The following MAP3K11 variants were observed in gnomAD, a reference collection of about 807,000 sequenced individuals.
The protein encoded by MAP3K11 is mitogen-activated protein kinase kinase kinase 11, also known as SH3 domain-containing proline-rich kinase.
A neutral mutation model predicts 84.9 loss-of-function variants in MAP3K11; 46 were observed. The ratio of observed to expected loss-of-function variants is 0.54; its 90% CI spans 0.43 to 0.69. MAP3K11 has a LOEUF of 0.69. MAP3K11 is among the 30% of genes least tolerant of loss of function. The pLI is 0.00. For synonymous variants in MAP3K11, 527 were observed against 514.7 expected, an observed-to-expected ratio of 1.02 and a Z score of -0.32; for missense variants, 1,053 against 1,198.3, an observed-to-expected ratio of 0.88 and a Z score of 1.79.
At chr11:65,603,384 A>G (rs1854475233) in intron 8 of MAP3K11, among the ~76,000 whole-genome samples, 1 of 152,260 alleles carries the variant, frequency 6.6e-6, no homozygotes, top group African/African-American at 2.4e-5. Context: ...TCTCACAGGG[A>G]GGACACAGCC....
chr11:65,598,672 T>C, intron 9 of MAP3K11, 44 bp from the exon 10 acceptor site: 5 of 1,389,772 alleles, frequency 3.6e-6, no homozygotes, highest in South Asian at 1.5e-5. Flanking sequence ...AACCCCCAAC[T>C]GCTGAGGTCC....
rs887510001 is a variant in MAP3K11, at chr11:65,599,434, C to G, written c.2166G>C (p.Gln722His). 4.6e-6 allele frequency: 7 copies of G among 1,524,260 alleles called. No homozygotes were observed. In the South Asian group the frequency reaches 8.9e-5, roughly 19 times the overall value. The allele number at this position is 1,524,260 out of a possible 1,614,324, so 94.4% of individuals were successfully genotyped here. ...LLLDLGIPVG[Q>H]RSAKSPRREE... is the part of the protein sequence containing the mutation. ...CACGTCGGGGGCTCTTGGCTGACCG[C>G]TGGCCCACAGGGATACCCAGGTCCA... The change falls in exon 9 of 10, where the codon CAG becomes CAC. Residue 722 changes from glutamine to histidine, a missense_variant. Gln to His is a conservative substitution (Grantham distance 24). Transcript: ENST00000309100.
Position 65,599,748 on chromosome 11 carries a change from G to A in MAP3K11, c.1852C>T (p.Leu618=), listed in dbSNP as rs1854435013. 6.3e-7 allele frequency: 1 copy of A among 1,593,128 alleles called. No individual in the cohort carries two copies. Among genetic ancestry groups the A allele is most frequent in the East Asian group, 2.2e-5 (1 of 44,644 alleles). Residue 618 remains leucine (L), a synonymous_variant, in exon 9 of 10, where the codon CTG becomes TTG. Coordinates refer to ENST00000309100, the MANE Select transcript of MAP3K11 (RefSeq NM_002419.4). The part of the protein sequence containing the change: ...ALNGNPPRPS[L]EPEEPKRPVP... ...GGCCTCTTGGGCTCCTCGGGCTCCA[G>A]GCTAGGCCGCGGGGGGTTACCTGCG...
rs1002373767 is a variant in MAP3K11, at chr11:65,599,427, C to T, written c.2173G>A (p.Ala725Thr). ...DLGIPVGQRSAKSPRREEEPR... is the reference protein window; with the variant it reads ...DLGIPVGQRSTKSPRREEEPR... ...TCCTCCTCACGTCGGGGGCTCTTGG[C>T]TGACCGCTGGCCCACAGGGATACCC... is the stretch of plus-strand genomic sequence containing the variant. Residue 725 changes from alanine to threonine, a missense_variant, in exon 9 of 10, where the codon GCC becomes ACC. This residue lies in a region of MAP3K11 where 583 missense variants were observed against 566.6 expected (regional missense o/e 1.03). Transcript: ENST00000309100. 3 of 1,526,756 alleles carry T rather than the reference C, an allele frequency of 2.0e-6. No individual in the cohort carries two copies. Among genetic ancestry groups the T allele is most frequent in the Admixed American group, 2.6e-5 (1 of 38,832 alleles). 94.6% of individuals were successfully genotyped at this position (1,526,756 alleles called of 1,614,324 possible).
At chr11:65,609,120 A>G (rs1854544701) in intron 1 of MAP3K11, 1 of 152,246 alleles carries the variant, frequency 6.6e-6, no homozygotes, top group Non-Finnish European at 1.5e-5. Context: ...AAAACTGGCA[A>G]GGTGGCAGCT....
chr11:65,606,861 C>A, intron 5 of MAP3K11, 57 bp from the exon 6 acceptor site: 3 of 1,174,156 alleles, frequency 2.6e-6, no homozygotes, highest in Non-Finnish European at 3.7e-6. Context: ...AGAGCCAGGA[C>A]CCCAACCTGC....
At chr11:65,601,831 A>AT (rs11378063) in intron 8 of MAP3K11, among the ~76,000 whole-genome samples, 147,037 of 152,022 alleles carry the variant, frequency 0.97, 71,298 homozygotes, top group Middle Eastern at 1. Context: ...CGAGGTTATC[A>AT]TATCACCCCC....
In MAP3K11 at chr11:65,599,316, T is replaced by C. The variant is rs1342838607; in HGVS notation, c.2206+78A>G. On this transcript the variant is annotated intron_variant, in intron 9 of 9. Coordinates refer to ENST00000309100, the MANE Select transcript of MAP3K11 (RefSeq NM_002419.4). ...GTGGTCTCGGCCTTGCCTCCTTGCA[T>C]GTCCCCACCAGCCACTCCTCCCTCC... 6.9e-6 allele frequency: 10 copies of C among 1,444,586 alleles called. No homozygotes were observed. The East Asian group carries it at 1.5e-4, about 21-fold the overall frequency. The allele number at this position is 1,444,586 out of a possible 1,614,324, so 89.5% of individuals were successfully genotyped here. A position where few individuals can be genotyped will look rare whatever the true frequency, so the allele number is the denominator to read the frequency against.
Position 65,613,582 on chromosome 11 carries a change from C to T in MAP3K11, c.175G>A (p.Glu59Lys). The stretch of plus-strand genomic sequence containing the variant: ...CGGTCACCCTTCCTCAGGGCCAGCT[C>T]ATCCTGCCCACTGGGCTCGTAGTCG... ...LFDYEPSGQDELALRKGDRVE... is the reference protein window; with the variant it reads ...LFDYEPSGQDKLALRKGDRVE... Residue 59 changes from glutamate to lysine, a missense_variant, in exon 1 of 10, where the codon GAG becomes AAG. Transcript: ENST00000309100. 6.2e-7 allele frequency: 1 copy of T among 1,613,066 alleles called. No individual in the cohort carries two copies. The highest frequency in any genetic ancestry group is 8.5e-7 in the Non-Finnish European group (1 of 1,179,900).
chr11:65,607,969 A>C lies in MAP3K11; in HGVS notation c.1022T>G (p.Leu341Arg). 1 of 1,614,206 alleles carries C rather than the reference A, an allele frequency of 6.2e-7. No individual in the cohort carries two copies. The highest frequency in any genetic ancestry group is 8.5e-7 in the Non-Finnish European group (1 of 1,180,030). ...AYGVAVNKLT[L>R]PIPSTCPEPF... ...CTCGGGGCAGGTGGATGGGATGGGC[A>C]GTGTGAGCTTGTTAACAGCTACGCC... Residue 341 changes from leucine (L) to arginine (R), a missense_variant, in exon 3 of 10, where the codon CTG becomes CGG. By Grantham distance (102) the Leu-to-Arg change is moderately radical. Transcript: ENST00000309100.
At chr11:65,607,597 G>C in intron 4 of MAP3K11, 44 bp downstream of exon 4, 1 of 1,570,998 alleles carries the variant, frequency 6.4e-7, no homozygotes, top group East Asian at 2.3e-5. Context: ...CAGGGAGATC[G>C]GGGAGACACT....
At chr11:65,602,666 G>C (rs1402123553) in intron 8 of MAP3K11, among the ~76,000 whole-genome samples, 1 of 151,866 alleles carries the variant, frequency 6.6e-6, no homozygotes, top group East Asian at 1.9e-4. Context: ...AAATTAGCTG[G>C]GCATGGTGGC....
In MAP3K11 at chr11:65,606,785, G is replaced by C. The variant is rs1475424729; in HGVS notation, c.1509C>G (p.Thr503=). ...GGTCAAGGCCGGGTGAGGCCTGCAC[G>C]GTGATGCGGTGCTTGAAGTCTGGGA... The part of the protein sequence containing the change: ...SMPLDFKHRI[T]VQASPGLDRR... The change falls in exon 6 of 10, where the codon ACC becomes ACG. Residue 503 remains threonine, a synonymous_variant. Coordinates refer to ENST00000309100, the MANE Select transcript of MAP3K11 (RefSeq NM_002419.4). 6.2e-7 allele frequency: 1 copy of C among 1,605,586 alleles called. No homozygotes were observed. Among genetic ancestry groups the C allele is most frequent in the South Asian group, 1.1e-5 (1 of 89,600 alleles).
At chr11:65,602,576 G>A (rs1854467317) in intron 8 of MAP3K11, among the ~76,000 whole-genome samples, 1 of 152,006 alleles carries the variant, frequency 6.6e-6, no homozygotes, top group Admixed American at 6.6e-5. Flanking sequence ...AACCTGGGAG[G>A]TGGAGGTTGT....
intron 4 of MAP3K11, 59 bp downstream of exon 4, chr11:65,607,582 T>C: frequency 6.4e-7 from 1 of 1,555,688 alleles, no homozygotes; most frequent in Non-Finnish European, 8.7e-7. Flanking sequence ...GCCCCGACTC[T>C]GCCCCAGGGA....
intron 1 of MAP3K11, chr11:65,609,466 C>T (rs916183570): frequency 6.6e-6 from 1 of 152,202 alleles, no homozygotes; most frequent in Non-Finnish European, 1.5e-5. Flanking sequence ...GGGCTCATGG[C>T]TTTAACCCAA....
Position 65,608,416 on chromosome 11 carries a change from T to C in MAP3K11, c.772A>G (p.Met258Val), listed in dbSNP as rs145124492. 4 of 1,614,008 alleles carry C rather than the reference T, an allele frequency of 2.5e-6. No homozygotes were observed. Among genetic ancestry groups the C allele is most frequent in the Admixed American group, 1.7e-5 (1 of 59,998 alleles). ...GTGATCTTCAGGGTCTTGTGCTCCA[T>C]GTCGTCACTCTCAATGGGCTGCAGC... ...LLLQPIESDD[M>V]EHKTLKITDF... The change falls in exon 2 of 10, where the codon ATG becomes GTG. Residue 258 changes from methionine (M) to valine (V), a missense_variant. Met to Val is a conservative substitution (Grantham distance 21). Coordinates refer to ENST00000309100, the MANE Select transcript of MAP3K11 (RefSeq NM_002419.4).
chr11:65,605,958 G>C lies in MAP3K11; in HGVS notation c.1727C>G (p.Ala576Gly), dbSNP rs1854502127. Residue 576 changes from alanine (A) to glycine (G), a missense_variant, in exon 7 of 10, where the codon GCC becomes GGC. By Grantham distance (60) the Ala-to-Gly change is moderately conservative (BLOSUM62 0). Transcript: ENST00000309100. ...CTCAGGTACTCACCTCCCATTCTGG[G>C]CTTCCCCAGGCTTGGGGGAACTGGG... is the stretch of plus-strand genomic sequence containing the variant. Reference protein sequence around the residue: ...WGPSSPKPGEAQNGRRRSRMD... With the variant: ...WGPSSPKPGEGQNGRRRSRMD... 1.2e-6 allele frequency: 2 copies of C among 1,601,620 alleles called. No individual in the cohort carries two copies. The highest frequency in any genetic ancestry group is 8.5e-7 in the Non-Finnish European group (1 of 1,176,266).
rs888986979 is a variant in MAP3K11 at position 65,605,627 on chromosome 11, C to T, written c.1831+134G>A. The T allele has an allele frequency of 4.7e-5, 30 of 633,042 alleles. No individual in the cohort carries two copies. The African/African-American group carries it at 5.7e-4, about 12-fold the overall frequency. 39.2% of individuals were successfully genotyped at this position (633,042 alleles called of 1,614,324 possible). On this transcript the variant is annotated intron_variant, in intron 8 of 9. Coordinates refer to ENST00000309100, the MANE Select transcript of MAP3K11 (RefSeq NM_002419.4). Reference sequence around the variant, plus strand: ...AGGATCGGCTCTGTCTTGTCTCAGCCTTGGTTTCCTAGTCTCTAGAATGAG... The same window carrying T: ...AGGATCGGCTCTGTCTTGTCTCAGCTTTGGTTTCCTAGTCTCTAGAATGAG...
Sources: allele counts gnomAD v4.1 joint callset (sites outside exome capture counted in the v4.1 genomes callset), GRCh38; gene constraint gnomAD v4.1.1; regional missense constraint gnomAD v4.1.1; transcripts MANE v1.5; gene names NCBI Gene and HGNC (gene_info 2026-07-23, HGNC 2026-07-21).